ABCC12: variants seen among roughly 807,000 people sequenced by gnomAD.
ABCC12 encodes the protein ATP binding cassette subfamily C member 12.
ABCC12 carries 142 observed loss-of-function variants against 151.1 expected under a neutral mutation model. That is an observed-to-expected ratio of 0.94 (90% confidence interval 0.82 to 1.08). The LOEUF (loss-of-function observed/expected upper bound fraction) is 1.08, where lower values mean the gene tolerates loss of function less well. Ranked by LOEUF, ABCC12 falls within the 50% of genes least tolerant of loss-of-function variation. The probability of loss-of-function intolerance (pLI) is 0.00; values close to 1 mark genes in which losing one functional copy is unlikely to be tolerated. For missense variants in ABCC12, 1,638 were observed against 1,691.1 expected (o/e 0.97, Z 0.55); for synonymous variants, 645 against 646.4 (o/e 1.00, Z 0.03).
intron 9 of ABCC12, 26 bp downstream of exon 9, chr16:48,133,661 A>G: frequency 3.7e-6 from 6 of 1,610,296 alleles, no homozygotes. Flanking sequence ...GTTGTGAAAG[A>G]GCCTCGATCT....
chr16:48,138,516 A>C, intron 7 of ABCC12, 141 bp from the exon 8 acceptor site: 1 of 982,184 alleles, frequency 1.0e-6, no homozygotes, highest in Non-Finnish European at 1.5e-6. Context: ...TCTTCCCTTG[A>C]GTTGTGGCTG....
chr16:48,133,577 A>G, intron 9 of ABCC12, 110 bp downstream of exon 9: 1 of 1,307,214 alleles, frequency 7.6e-7, no homozygotes, highest in Non-Finnish European at 1.0e-6. Flanking sequence ...GTGGCCTGCC[A>G]TGATTGGATG....
rs1383626527 is a variant in ABCC12 at position 48,138,335 on chromosome 16, G to T, written c.872C>A (p.Ala291Glu). The change falls in exon 8 of 31, where the codon GCA (alanine) becomes GAA (glutamate). Residue 291 changes from alanine to glutamate, a missense_variant. Physicochemically the swap from Ala to Glu is moderately radical, Grantham distance 107. Transcript: ENST00000311303. ...AKLNSAFRRS[A>E]ILVTDKRVQT... The stretch of plus-strand genomic sequence containing the variant: ...AACTCGCTTGTCTGTCACCAAAATT[G>T]CTGACCTTCGGAAAGCTGAATTGAG... 1 of 1,613,668 alleles carries T rather than the reference G, an allele frequency of 6.2e-7. No homozygotes were observed. The highest frequency in any genetic ancestry group is 1.3e-5 in the African/African-American group (1 of 74,910).
At chr16:48,133,644 G>A (rs1239580012) in intron 9 of ABCC12, 43 bp downstream of exon 9, 5 of 1,603,700 alleles carry the variant, frequency 3.1e-6, no homozygotes, top group Non-Finnish European at 4.3e-6. Context: ...GGACTTGCCG[G>A]GGTCAGGTTG....
chr16:48,092,493 C>T (rs188969729), intron 24 of ABCC12, among the ~76,000 whole-genome samples: 18 of 152,316 alleles, frequency 1.2e-4, no homozygotes, highest in Middle Eastern at 6.8e-3. Flanking sequence ...TGAGAATGCC[C>T]GGAACCTCCA....
Position 48,082,899 on chromosome 16 carries a change from C to T in ABCC12, c.*816G>A, listed in dbSNP as rs1962403110. The T allele has an allele frequency of 6.6e-6, 1 of 152,210 alleles. No homozygotes were observed. The highest frequency in any genetic ancestry group is 1.5e-5 in the Non-Finnish European group (1 of 68,044). The allele number at this position is 152,210 out of a possible 1,614,324, so 9.4% of individuals were successfully genotyped here. A position where few individuals can be genotyped will look rare whatever the true frequency, so the allele number is the denominator to read the frequency against. On this transcript the variant is annotated 3_prime_UTR_variant, in exon 31 of 31. Transcript: ENST00000311303. Reference sequence around the variant, plus strand: ...TACATCTTTACTGCTTCCATCAGAACCAGCCTCCAGGTTGGAGAGAAAGCT... The same window carrying T: ...TACATCTTTACTGCTTCCATCAGAATCAGCCTCCAGGTTGGAGAGAAAGCT...
intron 2 of ABCC12, among the ~76,000 whole-genome samples, chr16:48,149,333 C>T (rs1380346827): frequency 6.7e-6 from 1 of 148,686 alleles, no homozygotes; most frequent in Non-Finnish European, 1.5e-5. Context: ...AATAGCAAGC[C>T]AATAGACTTA....
intron 9 of ABCC12, 34 bp downstream of exon 9, chr16:48,133,653 T>A: frequency 6.2e-7 from 1 of 1,609,192 alleles, no homozygotes; most frequent in Non-Finnish European, 8.5e-7. Context: ...GGGGTCAGGT[T>A]GTGAAAGAGC....
chr16:48,110,567 G>A (rs758366609), intron 18 of ABCC12, among the ~76,000 whole-genome samples: 81 of 152,180 alleles, frequency 5.3e-4, no homozygotes, highest in Non-Finnish European at 8.1e-4. Context: ...TGTCTATGGA[G>A]GAGAAGAGGT....
chr16:48,144,732 T>G (rs1292499778), intron 3 of ABCC12, among the ~76,000 whole-genome samples: 3 of 152,170 alleles, frequency 2.0e-5, no homozygotes, highest in Non-Finnish European at 4.4e-5. Flanking sequence ...ATAAGCTATT[T>G]GCCTCCAGGT....
At position 48,140,981 on chromosome 16, in the gene ABCC12, G is replaced by A. The variant is rs966109754; in HGVS notation, c.424-61C>T. The A allele has an allele frequency of 2.7e-6, 4 of 1,508,490 alleles. No individual in the cohort carries two copies. The African/African-American group carries it at 5.5e-5, about 21-fold the overall frequency. 93.4% of individuals were successfully genotyped at this position (1,508,490 alleles called of 1,614,324 possible). A position where few individuals can be genotyped will look rare whatever the true frequency, so the allele number is the denominator to read the frequency against. The stretch of plus-strand genomic sequence containing the variant: ...CTGAGGGCTGAGGCTGGCATAGGAG[G>A]CCTCAGATCATGCCAGCAAGCTGAC... On this transcript the variant is annotated intron_variant, in intron 5 of 30. Coordinates refer to ENST00000311303, the MANE Select transcript of ABCC12 (RefSeq NM_001393797.1).
chr16:48,101,026 AG>A lies in ABCC12; in HGVS notation c.2901-18del. ...TGGAAAATGCTGGAAGAAAATTGAA[AG>A]GGGCCAGGTGGGCCACAAAGTGAGG... On this transcript the variant is annotated intron_variant, in intron 22 of 30. Transcript: ENST00000311303. 1 of 1,612,824 alleles carries A rather than the reference AG, an allele frequency of 6.2e-7. No homozygotes were observed. Among genetic ancestry groups the A allele is most frequent in the Non-Finnish European group, 8.5e-7 (1 of 1,179,336 alleles).
chr16:48,116,237 A>T (rs1319833622), intron 14 of ABCC12, among the ~76,000 whole-genome samples: 1 of 152,186 alleles, frequency 6.6e-6, no homozygotes, highest in Non-Finnish European at 1.5e-5. Flanking sequence ...ACCCAAAGTG[A>T]ACCCCAGGTG....
chr16:48,131,010 T>C (rs1964407734), intron 9 of ABCC12, 115 bp from the exon 10 acceptor site: 1 of 693,316 alleles, frequency 1.4e-6, no homozygotes, highest in South Asian at 1.7e-5. Context: ...ATCGTTGGAA[T>C]GTGCAGAGGA....
chr16:48,088,381 C>T (rs996878858), intron 26 of ABCC12, among the ~76,000 whole-genome samples, 164 bp downstream of exon 26: 6 of 152,204 alleles, frequency 3.9e-5, no homozygotes, highest in Non-Finnish European at 8.8e-5. Context: ...CATCTCTACA[C>T]ACCCATTCAA....
intron 22 of ABCC12, among the ~76,000 whole-genome samples, chr16:48,102,896 C>T (rs1252732542): frequency 1.3e-5 from 2 of 152,196 alleles, no homozygotes; most frequent in Non-Finnish European, 2.9e-5. Context: ...AAGTGAAACC[C>T]TGATGACACT....
chr16:48,124,425 G>A, intron 11 of ABCC12, 141 bp from the exon 12 acceptor site: 2 of 763,604 alleles, frequency 2.6e-6, no homozygotes, highest in South Asian at 3.0e-5. Flanking sequence ...CATGGCAGCT[G>A]CAGCCACACC....
At chr16:48,152,066 G>A (rs1178755900) in intron 2 of ABCC12, among the ~76,000 whole-genome samples, 3 of 152,158 alleles carry the variant, frequency 2.0e-5, no homozygotes, top group African/African-American at 4.8e-5. Context: ...GGCTTGGCAT[G>A]ACCGTGAAAG....
intron 24 of ABCC12, among the ~76,000 whole-genome samples, chr16:48,095,663 T>A (rs777417813): frequency 6.7e-6 from 1 of 148,530 alleles, no homozygotes; most frequent in Non-Finnish European, 1.5e-5. Flanking sequence ...ACATAGAGAA[T>A]TGATGCAAGA....
Sources: allele counts gnomAD v4.1 joint callset (sites outside exome capture counted in the v4.1 genomes callset), GRCh38; gene constraint gnomAD v4.1.1; transcripts MANE v1.5; gene names NCBI Gene and HGNC (gene_info 2026-07-23, HGNC 2026-07-21).